Variants in C1QTNF7 observed in about 807,000 individuals in gnomAD.
The protein encoded by C1QTNF7 is C1q and TNF related 7.
A neutral mutation model predicts 19.6 loss-of-function variants in C1QTNF7; 15 were observed. The observed-to-expected ratio is 0.76, with a 90% CI of 0.51 to 1.18. The LOEUF (loss-of-function observed/expected upper bound fraction) is 1.18. C1QTNF7 is among the 50% of genes most tolerant of loss of function. C1QTNF7 has a pLI of 0.00. For missense variants in C1QTNF7, 324 were observed against 359.7 expected (o/e 0.90, Z 0.80); for synonymous variants, 142 against 137.5 (o/e 1.03, Z -0.23).
rs577929737 is a variant in C1QTNF7, at chr4:15,366,736, TGC to T, written c.13+26530_13+26531del. The stretch of plus-strand genomic sequence containing the variant: ...TGTTGTCTGCAGTCTCCAAAGGAGC[TGC>T]TATGTATTCCTGGACTAAAACAAGC... On this transcript the variant is annotated intron_variant, in intron 1 of 2. Coordinates refer to the C1QTNF7 transcript ENST00000295297. 2.2e-3 allele frequency among the ~76,000 whole-genome samples: 342 copies of T among 152,298 alleles called. 3 individuals are homozygous for T. Among genetic ancestry groups the T allele is most frequent in the African/African-American group, 7.9e-3 (329 of 41,562 alleles).
chr4:15,386,888 C>T (rs1305616771), intron 1 of C1QTNF7, among the ~76,000 whole-genome samples: 2 of 152,126 alleles, frequency 1.3e-5, no homozygotes, highest in Non-Finnish European at 2.9e-5. Context: ...TCCTGGCTCA[C>T]TCTAAGCCTT....
chr4:15,409,858 G>C (rs1247118754), intron 1 of C1QTNF7, among the ~76,000 whole-genome samples: 4 of 152,126 alleles, frequency 2.6e-5, no homozygotes, highest in African/African-American at 9.7e-5. Context: ...CACACAGTTT[G>C]GCACATAGGG....
chr4:15,360,703 T>G (rs1301510591), intron 1 of C1QTNF7, among the ~76,000 whole-genome samples: 1 of 152,176 alleles, frequency 6.6e-6, no homozygotes. Context: ...AGTAGAACAT[T>G]GTCGTCTTTG....
At chr4:15,381,983 G>T (rs16891838) in intron 1 of C1QTNF7, 1 of 152,142 alleles carries the variant, frequency 6.6e-6, no homozygotes, top group Non-Finnish European at 1.5e-5. Context: ...AAGCTGCATC[G>T]TATGTTTCAA....
chr4:15,388,622 A>T (rs1718433049), intron 1 of C1QTNF7, among the ~76,000 whole-genome samples: 1 of 152,230 alleles, frequency 6.6e-6, no homozygotes, highest in Non-Finnish European at 1.5e-5. Context: ...AGTTATTGGT[A>T]ATGACAAGGT....
chr4:15,431,107 T>C (rs1258849911), intron 1 of C1QTNF7, among the ~76,000 whole-genome samples: 1 of 151,802 alleles, frequency 6.6e-6, no homozygotes, highest in African/African-American at 2.4e-5. Flanking sequence ...GATAGATAGA[T>C]TCATTGCACC....
chr4:15,418,201 C>T (rs1161704671), intron 1 of C1QTNF7, among the ~76,000 whole-genome samples: 1 of 152,160 alleles, frequency 6.6e-6, no homozygotes, highest in African/African-American at 2.4e-5. Flanking sequence ...GCCCACTCAG[C>T]TGCATCAGCC....
chr4:15,417,473 A>T (rs1179772796), intron 1 of C1QTNF7, among the ~76,000 whole-genome samples: 3 of 152,272 alleles, frequency 2.0e-5, no homozygotes, highest in Non-Finnish European at 4.4e-5. Flanking sequence ...AGGCTGCATA[A>T]TTTATACAGA....
chr4:15,399,784 G>C (rs1336104646), intron 1 of C1QTNF7, among the ~76,000 whole-genome samples: 3 of 152,172 alleles, frequency 2.0e-5, no homozygotes, highest in African/African-American at 7.2e-5. Context: ...GTGAATGAAT[G>C]AACTGAGATG....
At chr4:15,430,175 A>T (rs1328906625) in intron 1 of C1QTNF7, among the ~76,000 whole-genome samples, 1 of 152,252 alleles carries the variant, frequency 6.6e-6, no homozygotes, top group Non-Finnish European at 1.5e-5. Flanking sequence ...ACTAACACAA[A>T]TTAAATTTTT....
At chr4:15,410,227 C>T (rs890227399) in intron 1 of C1QTNF7, among the ~76,000 whole-genome samples, 5 of 152,018 alleles carry the variant, frequency 3.3e-5, no homozygotes, top group Admixed American at 1.3e-4. Flanking sequence ...TTTATGTTTG[C>T]ATTTAATTTT....
At chr4:15,431,857 A>T (rs1363901444) in intron 1 of C1QTNF7, among the ~76,000 whole-genome samples, 1 of 152,246 alleles carries the variant, frequency 6.6e-6, no homozygotes, top group African/African-American at 2.4e-5. Flanking sequence ...GATAGGAATT[A>T]GCTACTGAGT....
intron 1 of C1QTNF7, among the ~76,000 whole-genome samples, chr4:15,382,872 G>C (rs1367549474): frequency 1.3e-5 from 2 of 152,150 alleles, no homozygotes; most frequent in African/African-American, 4.8e-5. Context: ...GCTCTCGGCA[G>C]GCTCACCACA....
At chr4:15,397,706 C>T (rs916800179) in intron 1 of C1QTNF7, among the ~76,000 whole-genome samples, 3 of 152,198 alleles carry the variant, frequency 2.0e-5, no homozygotes, top group Admixed American at 1.3e-4. Context: ...CTTAAGGCTT[C>T]ACTTATGAAT....
intron 1 of C1QTNF7, among the ~76,000 whole-genome samples, chr4:15,382,123 G>A (rs1380428481): frequency 3.3e-5 from 5 of 152,086 alleles, no homozygotes; most frequent in African/African-American, 7.2e-5. Flanking sequence ...GTTCTGTGTC[G>A]CTGTGATGTG....
intron 1 of C1QTNF7, among the ~76,000 whole-genome samples, chr4:15,353,180 G>A (rs532799577): frequency 3.4e-4 from 51 of 152,096 alleles, no homozygotes; most frequent in Non-Finnish European, 6.8e-4. Flanking sequence ...CTCAAATCTT[G>A]GAAATTGCTG....
At chr4:15,366,557 TTCTC>T (rs1717531888) in intron 1 of C1QTNF7, among the ~76,000 whole-genome samples, 1 of 152,194 alleles carries the variant, frequency 6.6e-6, no homozygotes, top group South Asian at 2.1e-4. Context: ...CACTGTGTCT[TTCTC>T]TCTTTTTCTT....
chr4:15,442,816 T>C lies in C1QTNF7; in HGVS notation c.*17T>C. ...GAATTGTGATCAGGACCAAGATCCCTGTGGTAAACACTCTGATTGAATCTG... is the reference window on the plus strand; with the variant it reads ...GAATTGTGATCAGGACCAAGATCCCCGTGGTAAACACTCTGATTGAATCTG... On this transcript the variant is annotated 3_prime_UTR_variant, in exon 3 of 3. Transcript: ENST00000444304. 1 of 1,573,140 alleles carries C rather than the reference T, an allele frequency of 6.4e-7. No homozygotes were observed. The highest frequency in any genetic ancestry group is 8.6e-7 in the Non-Finnish European group (1 of 1,162,094).
chr4:15,394,014 T>G (rs1355703514), intron 1 of C1QTNF7, among the ~76,000 whole-genome samples: 4 of 152,156 alleles, frequency 2.6e-5, no homozygotes, highest in Non-Finnish European at 5.9e-5. Flanking sequence ...GAGGGCTCTA[T>G]TTCATATAGC....
Sources: gnomAD v4.1 joint callset for allele counts (sites outside exome capture counted in the v4.1 genomes callset) on GRCh38, gnomAD v4.1.1 for gene constraint, MANE v1.5 for transcripts, NCBI Gene and HGNC (gene_info 2026-07-23, HGNC 2026-07-21) for gene names.